SPRYD4: variants seen among roughly 807,000 people sequenced by gnomAD.
SPRYD4 encodes SPRY domain-containing protein 4.
Under a neutral mutation model 16.6 loss-of-function variants are expected in SPRYD4, and 12 were observed. The observed-to-expected ratio is 0.72, with a 90% CI of 0.46 to 1.17. The LOEUF is 1.17. Among genes scored for constraint, SPRYD4 ranks in the 50% most tolerant of loss-of-function variants. The probability of loss-of-function intolerance (pLI) is 0.00; values close to 1 mark genes in which losing one functional copy is unlikely to be tolerated. For synonymous variants in SPRYD4, 98 were observed against 105.4 expected, an observed-to-expected ratio of 0.93 and a Z score of 0.43; for missense variants, 260 against 260.2, an observed-to-expected ratio of 1.00 and a Z score of 0.00.
Position 56,469,041 on chromosome 12 carries a change from GTCAGTT to G in SPRYD4, c.92_97del (p.Ser31_Phe32del), listed in dbSNP as rs767380908. ...CCGTCTTTTTGCTCTGCCCGCAGGC[GTCAGTT>G]TCAAACTGGAAGAAAAAACCGCCCA... On this transcript the variant is annotated inframe_deletion, in exon 2 of 2. Coordinates refer to ENST00000338146, the MANE Select transcript of SPRYD4 (RefSeq NM_207344.4). 6.4e-6 allele frequency: 10 copies of G among 1,558,562 alleles called. No homozygotes were observed. Among genetic ancestry groups the G allele is most frequent in the African/African-American group, 1.4e-5 (1 of 72,928 alleles).
In SPRYD4 at chr12:56,478,034, T is replaced by C. The variant is rs760365963; in HGVS notation, c.*8457T>C. ...GCCTAGGGTGCTTATGGAGATGGCA[T>C]AGGTGAGGGGCTTCACACAGGACTG... On this transcript the variant is annotated 3_prime_UTR_variant, in exon 2 of 2. Transcript: ENST00000338146. The C allele has an allele frequency of 8.1e-6, 13 of 1,614,210 alleles. No individual in the cohort carries two copies. The highest frequency in any genetic ancestry group is 5.5e-5 in the South Asian group (5 of 91,088).
At chr12:56,468,967 CAT>C in intron 1 of SPRYD4, 70 bp from the exon 2 acceptor site, 1 of 1,495,292 alleles carries the variant, frequency 6.7e-7, no homozygotes, top group Non-Finnish European at 8.9e-7. Context: ...CTGCCTGCCT[CAT>C]ATCTGAATAT....
At chr12:56,468,911 G>T in intron 1 of SPRYD4, 128 bp from the exon 2 acceptor site, 1 of 1,282,422 alleles carries the variant, frequency 7.8e-7, no homozygotes, top group Non-Finnish European at 1.1e-6. Context: ...CGACTCTCTT[G>T]CCCGCTTGGC....
Position 56,472,378 on chromosome 12 carries a change from G to C in SPRYD4, c.*2801G>C. ...GAGACTGTTATACTCATATTAGAGA[G>C]ATGGGAATGTGATCCTTCCAGAAAT... On this transcript the variant is annotated 3_prime_UTR_variant, in exon 2 of 2. Transcript: ENST00000338146. 1 of 618,316 alleles carries C rather than the reference G, an allele frequency of 1.6e-6. No individual in the cohort carries two copies. The highest frequency in any genetic ancestry group is 2.8e-6 in the Non-Finnish European group (1 of 352,354). The allele number at this position is 618,316 out of a possible 1,614,324, so 38.3% of individuals were successfully genotyped here.
In SPRYD4 at chr12:56,476,674, A is replaced by G. The variant is rs1166980280; in HGVS notation, c.*7097A>G. The G allele has an allele frequency of 6.8e-6, 1 of 148,032 alleles. No individual in the cohort carries two copies. Among genetic ancestry groups the G allele is most frequent in the Non-Finnish European group, 1.5e-5 (1 of 67,592 alleles). The allele number at this position is 148,032 out of a possible 1,614,324, so 9.2% of individuals were successfully genotyped here. On this transcript the variant is annotated 3_prime_UTR_variant, in exon 2 of 2. Transcript: ENST00000338146. ...AGTGGCAGGATCTCGGCTCAACTGC[A>G]AGCTCCGCCTCCCGGGTTCATACCA...
chr12:56,479,627 C>G lies in SPRYD4; in HGVS notation c.*10050C>G. The G allele has an allele frequency of 1.1e-6, 1 of 903,958 alleles. No individual in the cohort carries two copies. 56.0% of individuals were successfully genotyped at this position (903,958 alleles called of 1,614,324 possible). On this transcript the variant is annotated 3_prime_UTR_variant, in exon 2 of 2. Coordinates refer to ENST00000338146, the MANE Select transcript of SPRYD4 (RefSeq NM_207344.4). ...CATGTATTTCTATATTGTTTGAACT[C>G]TTATGATGAGTATTCATGTATAACT...
At position 56,471,264 on chromosome 12, in the gene SPRYD4, G is replaced by A; in HGVS notation, c.*1687G>A. ...CTGTACCTTGAAGCCCAGTCTCTCTGGATAGCTGTACTGCAGGTGTCCTCT... is the reference window on the plus strand; with the variant it reads ...CTGTACCTTGAAGCCCAGTCTCTCTAGATAGCTGTACTGCAGGTGTCCTCT... On this transcript the variant is annotated 3_prime_UTR_variant, in exon 2 of 2. Transcript: ENST00000338146. 2.0e-6 allele frequency: 1 copy of A among 510,186 alleles called. No homozygotes were observed. The highest frequency in any genetic ancestry group is 3.0e-5 in the East Asian group (1 of 32,910). 31.6% of individuals were successfully genotyped at this position (510,186 alleles called of 1,614,324 possible).
In SPRYD4 at chr12:56,472,507, A is replaced by G. The variant is rs1869375463; in HGVS notation, c.*2930A>G. Reference sequence around the variant, plus strand: ...ATAACAATGGCTAACATTAATTATCATAGAGCAGACAGTTTACTTTTTTTA... The same window carrying G: ...ATAACAATGGCTAACATTAATTATCGTAGAGCAGACAGTTTACTTTTTTTA... On this transcript the variant is annotated 3_prime_UTR_variant, in exon 2 of 2. Coordinates refer to ENST00000338146, the MANE Select transcript of SPRYD4 (RefSeq NM_207344.4). 9.6e-6 allele frequency: 6 copies of G among 625,200 alleles called. No individual in the cohort carries two copies. In the Admixed American group the frequency reaches 1.8e-4, roughly 18 times the overall value. 38.7% of individuals were successfully genotyped at this position (625,200 alleles called of 1,614,324 possible). A position where few individuals can be genotyped will look rare whatever the true frequency, so the allele number is the denominator to read the frequency against.
chr12:56,474,822 C>T lies in SPRYD4; in HGVS notation c.*5245C>T, dbSNP rs372992124. ...GCAAGGACAGTCTGTCCTGTTCCCTCGGCCCTGAGCAGTGTTTTCTTACCT... is the reference window on the plus strand; with the variant it reads ...GCAAGGACAGTCTGTCCTGTTCCCTTGGCCCTGAGCAGTGTTTTCTTACCT... On this transcript the variant is annotated 3_prime_UTR_variant, in exon 2 of 2. Transcript: ENST00000338146. The T allele has an allele frequency of 2.5e-6, 4 of 1,613,984 alleles. No homozygotes were observed. The highest frequency in any genetic ancestry group is 1.1e-5 in the South Asian group (1 of 91,066).
Position 56,468,659 on chromosome 12 carries a change from C to T in SPRYD4, c.68C>T (p.Ser23Phe). 2.5e-6 allele frequency: 4 copies of T among 1,614,104 alleles called. No homozygotes were observed. Among genetic ancestry groups the T allele is most frequent in the Non-Finnish European group, 3.4e-6 (4 of 1,179,942 alleles). ...RWGAKRLGVA[S>F]TEAQRGVSFK... ...GGAGCCAAACGATTGGGAGTTGCCT[C>T]CACAGAGGCCCAGAGAGGTAGGATT... is the stretch of plus-strand genomic sequence containing the variant. The change falls in exon 1 of 2, where the codon TCC becomes TTC. Residue 23 changes from serine (S) to phenylalanine (F), a missense_variant. Coordinates refer to ENST00000338146, the MANE Select transcript of SPRYD4 (RefSeq NM_207344.4).
Position 56,469,303 on chromosome 12 carries a change from TTGA to T in SPRYD4, c.355_357del (p.Asp119del), listed in dbSNP as rs762398549. On this transcript the variant is annotated inframe_deletion, in exon 2 of 2. Coordinates refer to ENST00000338146, the MANE Select transcript of SPRYD4 (RefSeq NM_207344.4). ...ATGTCCCGGGATAGCTGCATTGGTG[TTGA>T]TGATCGTTCCTGGGTGTTCACCTAT... 21 of 1,614,102 alleles carry T rather than the reference TTGA, an allele frequency of 1.3e-5. No homozygotes were observed. Among genetic ancestry groups the T allele is most frequent in the Middle Eastern group, 1.6e-4 (1 of 6,062 alleles).
Position 56,471,251 on chromosome 12 carries a change from G to T in SPRYD4, c.*1674G>T. The T allele has an allele frequency of 2.0e-6, 1 of 496,050 alleles. No individual in the cohort carries two copies. Among genetic ancestry groups the T allele is most frequent in the Non-Finnish European group, 3.5e-6 (1 of 284,010 alleles). The allele number at this position is 496,050 out of a possible 1,614,324, so 30.7% of individuals were successfully genotyped here. ...GCAAGCCATTAGGCTGTACCTTGAA[G>T]CCCAGTCTCTCTGGATAGCTGTACT... On this transcript the variant is annotated 3_prime_UTR_variant, in exon 2 of 2. Coordinates refer to ENST00000338146, the MANE Select transcript of SPRYD4 (RefSeq NM_207344.4).
chr12:56,474,383 G>T lies in SPRYD4; in HGVS notation c.*4806G>T. 1 of 824,632 alleles carries T rather than the reference G, an allele frequency of 1.2e-6. No homozygotes were observed. The highest frequency in any genetic ancestry group is 1.7e-5 in the African/African-American group (1 of 58,110). 51.1% of individuals were successfully genotyped at this position (824,632 alleles called of 1,614,324 possible). On this transcript the variant is annotated 3_prime_UTR_variant, in exon 2 of 2. Transcript: ENST00000338146. The stretch of plus-strand genomic sequence containing the variant: ...TCTTTATATATTCGAGGAACTTGGT[G>T]TTTTTGAGAAACTCGTCTAAGGAGT...
chr12:56,473,277 C>G lies in SPRYD4; in HGVS notation c.*3700C>G. 1 of 1,614,096 alleles carries G rather than the reference C, an allele frequency of 6.2e-7. No homozygotes were observed. Among genetic ancestry groups the G allele is most frequent in the Non-Finnish European group, 8.5e-7 (1 of 1,180,042 alleles). On this transcript the variant is annotated 3_prime_UTR_variant, in exon 2 of 2. Coordinates refer to ENST00000338146, the MANE Select transcript of SPRYD4 (RefSeq NM_207344.4). ...TGGGTCTAACTTCCGAGCACAGTGC[C>G]TCAGGTTGTCATAGTTGTGGAAATT...
In SPRYD4 at chr12:56,475,530, TA is replaced by T; in HGVS notation, c.*5955del. 1 of 1,326,988 alleles carries T rather than the reference TA, an allele frequency of 7.5e-7. No individual in the cohort carries two copies. Among genetic ancestry groups the T allele is most frequent in the Non-Finnish European group, 1.1e-6 (1 of 939,080 alleles). 82.2% of individuals were successfully genotyped at this position (1,326,988 alleles called of 1,614,324 possible). A position where few individuals can be genotyped will look rare whatever the true frequency, so the allele number is the denominator to read the frequency against. ...AAGTTCCCCTGGGATTTCTTCCTCC[TA>T]AGATTCTCTCTCCCCCATTCCTCTT... is the stretch of plus-strand genomic sequence containing the variant. On this transcript the variant is annotated 3_prime_UTR_variant, in exon 2 of 2. Transcript: ENST00000338146.
Position 56,479,054 on chromosome 12 carries a change from T to G in SPRYD4, c.*9477T>G. 6.2e-7 allele frequency: 1 copy of G among 1,613,342 alleles called. No individual in the cohort carries two copies. The highest frequency in any genetic ancestry group is 8.5e-7 in the Non-Finnish European group (1 of 1,179,818). ...TCCCTTAGTCCCCTGACTCTCACTT[T>G]GCCTCCAGTGAGCTCTTTGACATCC... On this transcript the variant is annotated 3_prime_UTR_variant, in exon 2 of 2. Coordinates refer to ENST00000338146, the MANE Select transcript of SPRYD4 (RefSeq NM_207344.4).
In SPRYD4 at chr12:56,479,005, AAT is replaced by A; in HGVS notation, c.*9429_*9430del. ...TCTCAGGAAAAAAAAAAAAAAAAAA[AAT>A]CTGGCCCAGGTCCCTGACCCCTCCC... On this transcript the variant is annotated 3_prime_UTR_variant, in exon 2 of 2. Coordinates refer to ENST00000338146, the MANE Select transcript of SPRYD4 (RefSeq NM_207344.4). The A allele has an allele frequency of 6.5e-7, 1 of 1,534,912 alleles. No individual in the cohort carries two copies. Among genetic ancestry groups the A allele is most frequent in the Non-Finnish European group, 8.7e-7 (1 of 1,146,870 alleles).
rs1869724875 is a variant in SPRYD4 at position 56,475,505 on chromosome 12, A to C, written c.*5928A>C. The C allele has an allele frequency of 3.7e-6, 4 of 1,076,426 alleles. No homozygotes were observed. The East Asian group carries it at 7.2e-5, about 19-fold the overall frequency. 66.7% of individuals were successfully genotyped at this position (1,076,426 alleles called of 1,614,324 possible). A position where few individuals can be genotyped will look rare whatever the true frequency, so the allele number is the denominator to read the frequency against. ...GGACTCAGAGGAAGCTGGAGGGCCA[A>C]AGTTCCCCTGGGATTTCTTCCTCCT... On this transcript the variant is annotated 3_prime_UTR_variant, in exon 2 of 2. Transcript: ENST00000338146.
At position 56,473,682 on chromosome 12, in the gene SPRYD4, C is replaced by G; in HGVS notation, c.*4105C>G. On this transcript the variant is annotated 3_prime_UTR_variant, in exon 2 of 2. Transcript: ENST00000338146. Reference sequence around the variant, plus strand: ...TTAGGCTGTACTCTTAACAAGTTTACAAATGACTGCATGACCACAATCCAC... The same window carrying G: ...TTAGGCTGTACTCTTAACAAGTTTAGAAATGACTGCATGACCACAATCCAC... The G allele has an allele frequency of 6.8e-7, 1 of 1,472,684 alleles. No individual in the cohort carries two copies. The highest frequency in any genetic ancestry group is 9.1e-7 in the Non-Finnish European group (1 of 1,101,642). 91.2% of individuals were successfully genotyped at this position (1,472,684 alleles called of 1,614,324 possible).
Sources: gnomAD v4.1 joint callset for allele counts on GRCh38, gnomAD v4.1.1 for gene constraint, MANE v1.5 for transcripts, NCBI Gene and HGNC (gene_info 2026-07-23, HGNC 2026-07-21) for gene names.